Variants in GPHN observed in about 807,000 individuals in gnomAD.
GPHN encodes the protein gephyrin.
Under a neutral mutation model 95.5 loss-of-function variants are expected in GPHN, and 17 were observed. The observed-to-expected ratio is 0.18, with a 90% confidence interval of 0.12 to 0.27. The LOEUF is 0.27. Among genes scored for constraint, GPHN ranks in the 10% least tolerant of loss-of-function variants. The probability of loss-of-function intolerance (pLI) is 1.00; values close to 1 mark genes in which losing one functional copy is unlikely to be tolerated. For synonymous variants in GPHN, 320 were observed against 322.5 expected, an observed-to-expected ratio of 0.99 and a Z score of 0.08; for missense variants, 660 against 978.1, an observed-to-expected ratio of 0.67 and a Z score of 4.34.
chr14:67,526,489 G>A, the GPHN span, among the ~76,000 whole-genome samples: 26 of 152,322 alleles, frequency 1.7e-4, no homozygotes, highest in Admixed American at 1.6e-3. Context: ...CTAAGAAAGG[G>A]GAGAATATTC....
the GPHN span, chr14:67,729,398 G>T: frequency 3.8e-6 from 6 of 1,595,770 alleles, no homozygotes; most frequent in Non-Finnish European, 4.2e-6. Context: ...AAGGCAATGC[G>T]GTTCTCTCCA....
intron 9 of GPHN, among the ~76,000 whole-genome samples, chr14:66,966,284 G>A (rs914544756): frequency 6.6e-6 from 1 of 151,840 alleles, no homozygotes; most frequent in African/African-American, 2.4e-5. Context: ...TGACTAGAAG[G>A]GATCTCAGTT....
chr14:66,823,431 C>G (rs962498318), intron 3 of GPHN: 2 of 152,116 alleles, frequency 1.3e-5, no homozygotes, highest in Non-Finnish European at 2.9e-5. Context: ...TTATAAGCAC[C>G]TGTATTATAA....
At chr14:67,005,817 A>G (rs2072567919) in intron 9 of GPHN, among the ~76,000 whole-genome samples, 2 of 151,896 alleles carry the variant, frequency 1.3e-5, no homozygotes, top group African/African-American at 4.8e-5. Flanking sequence ...TATGAAACAC[A>G]GTAAGGGTTA....
chr14:67,671,327 A>G, the GPHN span, among the ~76,000 whole-genome samples: 4 of 152,100 alleles, frequency 2.6e-5, no homozygotes, highest in Admixed American at 6.5e-5. Flanking sequence ...GGAGTTTGAG[A>G]CCAGCCTGGC....
the GPHN span, among the ~76,000 whole-genome samples, chr14:67,251,441 G>A: frequency 2.4e-4 from 36 of 152,268 alleles, no homozygotes; most frequent in African/African-American, 8.4e-4. Flanking sequence ...GCTAAAGTGA[G>A]AGGATTTCTT....
the GPHN span, among the ~76,000 whole-genome samples, chr14:67,652,001 T>A: frequency 6.6e-6 from 1 of 152,236 alleles, no homozygotes; most frequent in African/African-American, 2.4e-5. Context: ...AACCTCTGGT[T>A]CTCATGTTCA....
intron 8 of GPHN, among the ~76,000 whole-genome samples, chr14:66,952,976 G>C (rs528807652): frequency 1.1e-3 from 172 of 151,762 alleles, no homozygotes; most frequent in African/African-American, 3.8e-3. Context: ...TTACAGGTGT[G>C]AGCCACTGCA....
chr14:67,222,798 T>C, the GPHN span, among the ~76,000 whole-genome samples: 1 of 151,944 alleles, frequency 6.6e-6, no homozygotes, highest in African/African-American at 2.4e-5. Context: ...TCAGCTTCAG[T>C]CATGCACATA....
At chr14:67,369,941 G>T in the GPHN span, among the ~76,000 whole-genome samples, 1 of 152,132 alleles carries the variant, frequency 6.6e-6, no homozygotes, top group Non-Finnish European at 1.5e-5. Flanking sequence ...GAAATCAGGG[G>T]TCTCACAGCC....
At chr14:67,385,651 C>T in the GPHN span, 1 of 140,978 alleles carries the variant, frequency 7.1e-6, no homozygotes, top group African/African-American at 2.7e-5. Flanking sequence ...ATTCAAACCA[C>T]TTTTTTCTTT....
intron 1 of GPHN, among the ~76,000 whole-genome samples, chr14:66,568,590 C>G (rs1045929364): frequency 2.0e-5 from 3 of 151,978 alleles, no homozygotes; most frequent in Non-Finnish European, 4.4e-5. Context: ...TAAGCAGGTG[C>G]CTTGATTCTA....
chr14:67,162,228 C>G (rs1362542508), intron 19 of GPHN, among the ~76,000 whole-genome samples: 2 of 152,128 alleles, frequency 1.3e-5, no homozygotes, highest in Non-Finnish European at 2.9e-5. Flanking sequence ...CTTAAATTGG[C>G]CCTATAATTT....
At chr14:66,675,927 A>G (rs965136129) in intron 1 of GPHN, among the ~76,000 whole-genome samples, 11 of 152,064 alleles carry the variant, frequency 7.2e-5, no homozygotes, top group East Asian at 3.9e-4. Context: ...TGGTTATTCT[A>G]TAAAAACATC....
At chr14:66,901,406 T>C (rs1437383933) in intron 5 of GPHN, among the ~76,000 whole-genome samples, 1 of 152,122 alleles carries the variant, frequency 6.6e-6, no homozygotes, top group African/African-American at 2.4e-5. Flanking sequence ...TTGTCTATTT[T>C]TGCTTTTGTT....
At chr14:66,867,187 G>A (rs555779405) in intron 4 of GPHN, among the ~76,000 whole-genome samples, 56 of 152,168 alleles carry the variant, frequency 3.7e-4, no homozygotes, top group African/African-American at 1.3e-3. Flanking sequence ...TTAGCAATAA[G>A]ATAATATCTC....
At chr14:66,718,626 G>A (rs945256623) in intron 2 of GPHN, among the ~76,000 whole-genome samples, 17 of 151,974 alleles carry the variant, frequency 1.1e-4, no homozygotes, top group Admixed American at 7.9e-4. Context: ...TGATTGGTGC[G>A]TTTACAATCC....
chr14:66,922,614 A>G (rs1451640620), intron 6 of GPHN, 52 bp from the exon 7 acceptor site: 6 of 1,438,694 alleles, frequency 4.2e-6, no homozygotes, highest in East Asian at 2.3e-5. Flanking sequence ...ACCATCTTAT[A>G]TAATTACAAA....
chr14:66,904,719 G>A (rs143749628), intron 5 of GPHN, among the ~76,000 whole-genome samples: 273 of 152,250 alleles, frequency 1.8e-3, no homozygotes, highest in Non-Finnish European at 2.5e-3. Context: ...CCCTACAGTG[G>A]TAGTGTCCTC....
Sources: allele counts gnomAD v4.1 joint callset (sites outside exome capture counted in the v4.1 genomes callset), GRCh38; gene constraint gnomAD v4.1.1; transcripts MANE v1.5; gene names NCBI Gene and HGNC (gene_info 2026-07-23, HGNC 2026-07-21).